Variants in OFD1 observed in about 807,000 individuals in gnomAD.
OFD1 encodes OFD1 centriole and centriolar satellite protein, also known as centriole and centriolar satellite protein OFD1.
In OFD1, 12 loss-of-function variants were observed where a neutral mutation model predicts 81.4. The observed-to-expected ratio is 0.15, with a 90% CI of 0.09 to 0.24. OFD1 has a LOEUF of 0.24. Ranked by LOEUF, OFD1 falls within the 10% of genes least tolerant of loss-of-function variation. The pLI, the probability that OFD1 is intolerant of heterozygous loss-of-function variation, is 1.00. For missense variants in OFD1, 685 were observed against 733.9 expected (o/e 0.93, Z 0.77); for synonymous variants, 256 against 263.7 (o/e 0.97, Z 0.28).
chrX:13,718,861 C>T, the OFD1 span, among the ~76,000 whole-genome samples: 1 of 111,722 alleles, frequency 9.0e-6, no homozygotes, highest in Non-Finnish European at 1.9e-5. Context: ...CGTGTCAAAA[C>T]TCTACAGGTC....
chrX:13,771,832 GAAAAAAATGAAATACCAACCC>G (rs1302161967), downstream of OFD1: 3 of 111,862 alleles, frequency 2.7e-5, no homozygotes, highest in African/African-American at 6.5e-5. Flanking sequence ...ATTTAGATAA[GAAAAAAATGAAATACCAACCC>G]TAATTTAAAT....
intron 19 of OFD1, among the ~76,000 whole-genome samples, chrX:13,766,314 G>A (rs974872282): frequency 1.8e-5 from 2 of 111,626 alleles, no homozygotes; most frequent in Admixed American, 9.5e-5. Context: ...AGTAGTCCAG[G>A]GAGATGGTGA....
rs542270953 is a variant in OFD1 at position 13,752,392 on chromosome X, G to A, written c.1056-976G>A. Among the ~76,000 whole-genome samples, 60 of 111,965 alleles carry A rather than the reference G, an allele frequency of 5.4e-4. 1 individual carries two copies. In the South Asian group the frequency reaches 0.021, roughly 38 times the overall value. On this transcript the variant is annotated intron_variant, in intron 10 of 22. Coordinates refer to ENST00000340096, the MANE Select transcript of OFD1 (RefSeq NM_003611.3). Reference sequence around the variant, plus strand: ...GAAATGATTCAACTCAGGTGCTCTGGGCATTTCTTATTTGGCCTCTTTTAT... The same window carrying A: ...GAAATGATTCAACTCAGGTGCTCTGAGCATTTCTTATTTGGCCTCTTTTAT...
intron 3 of OFD1, among the ~76,000 whole-genome samples, chrX:13,737,606 C>A (rs895406881): frequency 9.1e-6 from 1 of 109,757 alleles, no homozygotes; most frequent in Non-Finnish European, 1.9e-5. Flanking sequence ...TTGCAGTGAG[C>A]CGAGATCATG....
chrX:13,771,472 A>G (rs1176567877), downstream of OFD1: 10 of 112,222 alleles, frequency 8.9e-5, no homozygotes, highest in Admixed American at 9.5e-4. Context: ...TTGATGTTCA[A>G]TTTTAATAGC....
chrX:13,771,074 A>G (rs2147094571), downstream of OFD1: 1 of 112,709 alleles, frequency 8.9e-6, no homozygotes, highest in South Asian at 3.7e-4. Flanking sequence ...GAATAGAACT[A>G]CAGGAAGCCC....
chrX:13,734,812 G>C lies in OFD1; in HGVS notation c.-260G>C. ...CTAGTGTCTGGGTCCCCGCCCTCCAGCCGCCTTTGAGTCGTGCCTGGGTCC... is the reference window on the plus strand; with the variant it reads ...CTAGTGTCTGGGTCCCCGCCCTCCACCCGCCTTTGAGTCGTGCCTGGGTCC... On this transcript the variant is annotated 5_prime_UTR_variant, in exon 1 of 23. Coordinates refer to ENST00000340096, the MANE Select transcript of OFD1 (RefSeq NM_003611.3). 1 of 1,075,039 alleles carries C rather than the reference G, an allele frequency of 9.3e-7. No homozygotes were observed. The highest frequency in any genetic ancestry group is 2.5e-5 in the South Asian group (1 of 40,312). The allele number at this position is 1,075,039 out of a possible 1,213,427, so 88.6% of individuals were successfully genotyped here. A position where few individuals can be genotyped will look rare whatever the true frequency, so the allele number is the denominator to read the frequency against.
chrX:13,747,718 G>A (rs2047349043), intron 8 of OFD1, among the ~76,000 whole-genome samples: 1 of 111,533 alleles, frequency 9.0e-6, no homozygotes, highest in Non-Finnish European at 1.9e-5. Flanking sequence ...GAGGTTTCAG[G>A]TGGAGACTAG....
intron 18 of OFD1, 112 bp from the exon 19 acceptor site, chrX:13,763,633 A>G (rs969224932): frequency 1.0e-5 from 6 of 574,022 alleles, no homozygotes; most frequent in Non-Finnish European, 1.2e-5. Flanking sequence ...GGGCGCACCC[A>G]GTTACTTTGG....
rs200193920 is a variant in OFD1 at position 13,761,223 on chromosome X, G to A, written c.2387+12G>A. 1.1e-5 allele frequency: 13 copies of A among 1,206,020 alleles called. No homozygotes were observed. The highest frequency in any genetic ancestry group is 5.9e-5 in the East Asian group (2 of 33,689). Reference sequence around the variant, plus strand: ...GAGCAGAAAGTGGGGTAAGTATAACGTTCTGATTGATTAGCTTCAGCTGAA... The same window carrying A: ...GAGCAGAAAGTGGGGTAAGTATAACATTCTGATTGATTAGCTTCAGCTGAA... On this transcript the variant is annotated intron_variant, in intron 17 of 22. Transcript: ENST00000340096.
chrX:13,763,734 G>A lies in OFD1; in HGVS notation c.2489-11G>A, dbSNP rs766174993. The A allele has an allele frequency of 2.8e-5, 33 of 1,184,718 alleles. No homozygotes were observed. Among genetic ancestry groups the A allele is most frequent in the Non-Finnish European group, 3.8e-5 (33 of 872,409 alleles). On this transcript the variant is annotated splice_polypyrimidine_tract_variant and intron_variant, in intron 18 of 22. Transcript: ENST00000340096. ...TATTAAGGACTCATGGGACAATTGT[G>A]CCTCATGCAGCTGCAGGGAACATGC... is the stretch of plus-strand genomic sequence containing the variant.
chrX:13,721,128 C>G, the OFD1 span: 1 of 110,493 alleles, frequency 9.1e-6, no homozygotes, highest in South Asian at 3.9e-4. Context: ...TAATTGAAAT[C>G]TAGATGAATG....
chrX:13,745,125 C>T (rs1218792742), intron 6 of OFD1, among the ~76,000 whole-genome samples: 3 of 112,059 alleles, frequency 2.7e-5, no homozygotes, highest in Non-Finnish European at 5.6e-5. Flanking sequence ...CTTGGCCCTT[C>T]CTTACTCTTA....
upstream of OFD1, among the ~76,000 whole-genome samples, chrX:13,732,236 G>A (rs993045335): frequency 8.9e-6 from 1 of 111,858 alleles, no homozygotes; most frequent in African/African-American, 3.3e-5. Context: ...AACTCTGTGT[G>A]TTACAGGGGA....
intron 12 of OFD1, 81 bp downstream of exon 12, chrX:13,755,323 C>A: frequency 1.5e-6 from 1 of 689,332 alleles, no homozygotes; most frequent in South Asian, 2.3e-5. Context: ...TATCCTAAGT[C>A]ATCCTGTTGA....
intron 3 of OFD1, among the ~76,000 whole-genome samples, chrX:13,737,193 A>T (rs1427731492): frequency 1.8e-5 from 2 of 111,620 alleles, no homozygotes; most frequent in African/African-American, 6.5e-5. Flanking sequence ...TTGTAATTAG[A>T]TAAGTGAGAA....
intron 14 of OFD1, 94 bp from the exon 15 acceptor site, chrX:13,758,243 A>C: frequency 1.6e-6 from 1 of 618,054 alleles, no homozygotes; most frequent in East Asian, 3.4e-5. Flanking sequence ...TGGCAGAACA[A>C]AAAGAGTACA....
At chrX:13,718,640 C>T in the OFD1 span, among the ~76,000 whole-genome samples, 2 of 112,018 alleles carry the variant, frequency 1.8e-5, no homozygotes, top group Non-Finnish European at 3.8e-5. Context: ...GTCACAACTC[C>T]ACCTCATAGA....
chrX:13,752,738 G>C, intron 10 of OFD1: 1 of 971,951 alleles, frequency 1.0e-6, no homozygotes, highest in Non-Finnish European at 1.3e-6. Flanking sequence ...CCTGGCTTTG[G>C]GAATCCTCAT....
Sources: gnomAD v4.1 joint callset for allele counts (sites outside exome capture counted in the v4.1 genomes callset) on GRCh38, gnomAD v4.1.1 for gene constraint, MANE v1.5 for transcripts, NCBI Gene and HGNC (gene_info 2026-07-23, HGNC 2026-07-21) for gene names.